PCDHGA8: variants seen among roughly 807,000 people sequenced by gnomAD.
PCDHGA8 encodes protocadherin gamma subfamily A, 8.
PCDHGA8 carries 45 observed loss-of-function variants against 59.2 expected under a neutral mutation model. The observed-to-expected ratio is 0.76, with a 90% CI of 0.60 to 0.98. The LOEUF is 0.98. PCDHGA8 is among the 50% of genes least tolerant of loss of function. The pLI, the probability that PCDHGA8 is intolerant of heterozygous loss-of-function variation, is 0.00. For missense variants in PCDHGA8, 1,257 were observed against 1,196.2 expected (o/e 1.05, Z -0.75); for synonymous variants, 531 against 519.0 (o/e 1.02, Z -0.32).
intron 1 of PCDHGA8, chr5:141,410,748 C>T (rs569108587): frequency 8.8e-6 from 11 of 1,245,288 alleles, no homozygotes; most frequent in Admixed American, 5.8e-5. Flanking sequence ...AATATTTTCT[C>T]AATGTTTTTT....
chr5:141,422,253 T>C (rs917280432), intron 1 of PCDHGA8: 58 of 1,566,438 alleles, frequency 3.7e-5, no homozygotes, highest in Non-Finnish European at 5.0e-5. Context: ...TGGATGTGAA[T>C]GATAACGCTC....
chr5:141,418,069 G>T, intron 1 of PCDHGA8: 4 of 1,614,042 alleles, frequency 2.5e-6, no homozygotes, highest in South Asian at 2.2e-5. Flanking sequence ...GAGTGAGCGC[G>T]GAGAAGCTGC....
chr5:141,423,848 G>C (rs1353181066), intron 1 of PCDHGA8: 1 of 1,277,462 alleles, frequency 7.8e-7, no homozygotes, highest in Non-Finnish European at 9.9e-7. Flanking sequence ...TAATCTTTCA[G>C]AACGTTTTTG....
In PCDHGA8 at chr5:141,394,836, T is replaced by G. The variant is rs116789057; in HGVS notation, c.2023T>G (p.Leu675Val). The change falls in exon 1 of 4, where the codon TTG becomes GTG. Residue 675 changes from leucine to valine, a missense_variant. Leu to Val is a conservative substitution (Grantham distance 32, BLOSUM62 1). Transcript: ENST00000398604. ...ADSIPEVLTE[L>V]GSLKPSVDPN... Reference sequence around the variant, plus strand: ...CAGCATCCCCGAAGTCCTGACCGAGTTGGGCAGTCTGAAGCCTTCGGTCGA... The same window carrying G: ...CAGCATCCCCGAAGTCCTGACCGAGGTGGGCAGTCTGAAGCCTTCGGTCGA... 1,507 of 1,613,748 alleles carry G rather than the reference T, an allele frequency of 9.3e-4. 9 individuals carry two copies. The African/African-American group carries it at 0.016, about 17-fold the overall frequency.
intron 1 of PCDHGA8, chr5:141,399,376 A>G: frequency 6.2e-7 from 1 of 1,613,956 alleles, no homozygotes; most frequent in Non-Finnish European, 8.5e-7. Flanking sequence ...GTACAATGTC[A>G]CCATCACAGC....
chr5:141,399,908 C>G (rs141997055), intron 1 of PCDHGA8: 2 of 1,612,300 alleles, frequency 1.2e-6, no homozygotes, highest in African/African-American at 1.3e-5. Context: ...GACGCAGACT[C>G]AGGACACAAC....
chr5:141,482,109 C>G (rs972542276), intron 1 of PCDHGA8, among the ~76,000 whole-genome samples: 2 of 149,582 alleles, frequency 1.3e-5, no homozygotes, highest in African/African-American at 2.5e-5. Context: ...AAAAAAATAT[C>G]TAGAGATGGG....
At chr5:141,423,990 T>A (rs2096793990) in intron 1 of PCDHGA8, 2 of 1,090,000 alleles carry the variant, frequency 1.8e-6, no homozygotes, top group East Asian at 1.1e-4. Flanking sequence ...GCTCTCAATT[T>A]ATTATATATA....
In PCDHGA8 at chr5:141,438,090, A is replaced by G. The variant is rs560861677; in HGVS notation, c.2424+42853A>G. 1.2e-4 allele frequency among the ~76,000 whole-genome samples: 18 copies of G among 152,310 alleles called. No individual in the cohort carries two copies. In the South Asian group the frequency reaches 3.5e-3, roughly 30 times the overall value. ...CATACTTAATGGAAAATTACCAGTA[A>G]CAGGGCATACTGTTTAGGATGCATT... On this transcript the variant is annotated intron_variant, in intron 1 of 3. Coordinates refer to ENST00000398604, the MANE Select transcript of PCDHGA8 (RefSeq NM_032088.2).
At position 141,395,084 on chromosome 5, in the gene PCDHGA8, C is replaced by A. The variant is rs757269551; in HGVS notation, c.2271C>A (p.Val757=). 6.2e-7 allele frequency: 1 copy of A among 1,614,190 alleles called. No individual in the cohort carries two copies. Among genetic ancestry groups the A allele is most frequent in the South Asian group, 1.1e-5 (1 of 91,086 alleles). ...QAFLQTYSQE[V]SLTADSRKSH... ...TCCTGCAGACCTATTCCCAGGAAGT[C>A]TCCCTCACCGCCGACTCGCGGAAGA... Residue 757 remains valine (V), a synonymous_variant, in exon 1 of 4, where the codon GTC becomes GTA. Coordinates refer to ENST00000398604, the MANE Select transcript of PCDHGA8 (RefSeq NM_032088.2).
intron 1 of PCDHGA8, among the ~76,000 whole-genome samples, chr5:141,450,038 A>G (rs2098666630): frequency 8.1e-6 from 1 of 124,190 alleles, no homozygotes; most frequent in African/African-American, 3.3e-5. Context: ...ACAGGGTCTC[A>G]CTCTTTCGCC....
At chr5:141,427,198 T>G (rs1345851173) in intron 1 of PCDHGA8, 1 of 456,584 alleles carries the variant, frequency 2.2e-6, no homozygotes, top group African/African-American at 2.0e-5. Flanking sequence ...AAAGACTTAA[T>G]AGACTTCGAA....
At chr5:141,450,626 A>G (rs1474729472) in intron 1 of PCDHGA8, among the ~76,000 whole-genome samples, 1 of 151,438 alleles carries the variant, frequency 6.6e-6, no homozygotes, top group East Asian at 2.0e-4. Context: ...AGCTGGGATT[A>G]CAGATGCCTG....
At position 141,486,090 on chromosome 5, in the gene PCDHGA8, G is replaced by C. The variant is rs190955361; in HGVS notation, c.2425-8717G>C. On this transcript the variant is annotated intron_variant, in intron 1 of 3. Transcript: ENST00000398604. The surrounding 1 kb of genome is among the most constrained non-coding windows in gnomAD (Gnocchi z 5.0). ...ACTACTGGAAAGCTTACTCTTTTGG[G>C]GCCCCTAGACTTTGAGAGTGAGAAT... 4 of 1,614,086 alleles carry C rather than the reference G, an allele frequency of 2.5e-6. No individual in the cohort carries two copies. The Admixed American group carries it at 6.7e-5, about 27-fold the overall frequency.
intron 1 of PCDHGA8, chr5:141,428,105 G>A: frequency 1.9e-6 from 3 of 1,608,184 alleles, no homozygotes; most frequent in Admixed American, 1.7e-5. Flanking sequence ...ACCACGTGCT[G>A]CAGGCCATCG....
intron 1 of PCDHGA8, chr5:141,420,276 T>C: frequency 6.6e-7 from 1 of 1,523,250 alleles, no homozygotes; most frequent in Non-Finnish European, 8.9e-7. Context: ...CTTAAACAGG[T>C]AAGTATTTAA....
intron 1 of PCDHGA8, chr5:141,403,543 G>C (rs1228327431): frequency 1.2e-6 from 2 of 1,614,006 alleles, no homozygotes; most frequent in Non-Finnish European, 1.7e-6. Context: ...TGGTGCTGGA[G>C]CGCGCCCTGG....
rs2094361083 is a variant in PCDHGA8 at position 141,403,148 on chromosome 5, A to T, written c.2424+7911A>T. The T allele has an allele frequency of 2.5e-6, 4 of 1,614,050 alleles. No homozygotes were observed. The South Asian group carries it at 4.4e-5, about 18-fold the overall frequency. On this transcript the variant is annotated intron_variant, in intron 1 of 3. Coordinates refer to ENST00000398604, the MANE Select transcript of PCDHGA8 (RefSeq NM_032088.2). ...GGAGCTGGCGGAGCGCCGAGTCCGC[A>T]TCGTCTCTAGAGGTAGGACGCAGCT...
chr5:141,455,495 G>C (rs2098824459), intron 1 of PCDHGA8, among the ~76,000 whole-genome samples: 1 of 152,204 alleles, frequency 6.6e-6, no homozygotes, highest in East Asian at 1.9e-4. Flanking sequence ...GGTGATGTCT[G>C]ATTTGCATAG....
Sources: allele counts gnomAD v4.1 joint callset (sites outside exome capture counted in the v4.1 genomes callset), GRCh38; gene constraint gnomAD v4.1.1; non-coding constraint Gnocchi (gnomAD v3.1); transcripts MANE v1.5; gene names NCBI Gene and HGNC (gene_info 2026-07-23, HGNC 2026-07-21).